The following SH3PXD2A variants were observed in gnomAD, a reference collection of about 807,000 sequenced individuals.
SH3PXD2A encodes the protein SH3 and PX domains 2A, also known as SH3 and PX domain-containing protein 2A.
In SH3PXD2A, 32 loss-of-function variants were observed where a neutral mutation model predicts 115.2. The observed-to-expected ratio is 0.28, with a 90% CI of 0.21 to 0.37. The LOEUF (loss-of-function observed/expected upper bound fraction) is 0.37. Ranked by LOEUF, SH3PXD2A falls within the 10% of genes least tolerant of loss-of-function variation. SH3PXD2A has a pLI of 1.00. For missense variants in SH3PXD2A, 1,328 were observed against 1,498.7 expected (o/e 0.89, Z 1.88); for synonymous variants, 610 against 629.1 (o/e 0.97, Z 0.45).
intron 5 of SH3PXD2A, among the ~76,000 whole-genome samples, chr10:103,720,309 G>A (rs549182640): frequency 1.6e-4 from 25 of 152,376 alleles, no homozygotes; most frequent in African/African-American, 6.0e-4. Context: ...CATCAAAGGT[G>A]TCCATGAAGA....
chr10:103,835,288 G>A (rs773359680), intron 1 of SH3PXD2A, among the ~76,000 whole-genome samples: 4 of 152,222 alleles, frequency 2.6e-5, no homozygotes, highest in Admixed American at 1.3e-4. Context: ...GCTCTGACGT[G>A]AGCTCGCAGG....
intron 9 of SH3PXD2A, among the ~76,000 whole-genome samples, chr10:103,625,957 C>T (rs1244332947): frequency 1.3e-5 from 2 of 152,220 alleles, no homozygotes; most frequent in Non-Finnish European, 2.9e-5. Context: ...GCATATGAGA[C>T]CAGACCTAGC....
chr10:103,711,350 G>A (rs550304564), intron 5 of SH3PXD2A, among the ~76,000 whole-genome samples: 10 of 152,346 alleles, frequency 6.6e-5, no homozygotes, highest in African/African-American at 2.2e-4. Flanking sequence ...AAGTTTGGGG[G>A]GAAGTAAGCA....
intron 8 of SH3PXD2A, among the ~76,000 whole-genome samples, chr10:103,644,585 CAAAAAAAA>C (rs34818569): frequency 9.8e-6 from 1 of 102,534 alleles, no homozygotes; most frequent in African/African-American, 3.9e-5. Context: ...GACCAAGTCT[CAAAAAAAA>C]AAAAAAAAAA....
chr10:103,782,677 T>C (rs2038942080), intron 2 of SH3PXD2A, among the ~76,000 whole-genome samples: 1 of 147,358 alleles, frequency 6.8e-6, no homozygotes, highest in Admixed American at 6.8e-5. Flanking sequence ...GGGAGGGAGG[T>C]GGGGAATGAC....
rs553941259 is a variant in SH3PXD2A, at chr10:103,756,412, G to C, written c.229+10682C>G. ...CCTCCTAAGAAGTTGTTGGGGGCCG[G>C]AGCTCCTTCTCAATGCGCCTCAGTG... On this transcript the variant is annotated intron_variant, in intron 3 of 14. Transcript: ENST00000369774. This position sits in a 1 kb window ranked among gnomAD's most constrained non-coding sequence, Gnocchi z 4.4. Among the ~76,000 whole-genome samples the C allele has an allele frequency of 1.8e-3, 276 of 152,164 alleles. 1 individual carries two copies. Among genetic ancestry groups the C allele is most frequent in the Non-Finnish European group, 3.0e-3 (206 of 67,982 alleles).
intron 7 of SH3PXD2A, chr10:103,661,845 A>C (rs1455190382): frequency 1.0e-6 from 1 of 985,040 alleles, no homozygotes; most frequent in Non-Finnish European, 1.2e-6. Context: ...GAGGAGGCCT[A>C]GACTGTTTAC....
chr10:103,840,516 T>C lies in SH3PXD2A; in HGVS notation c.72+14679A>G, dbSNP rs183243240. 2.0e-5 allele frequency among the ~76,000 whole-genome samples: 3 copies of C among 152,260 alleles called. No homozygotes were observed. The East Asian group carries it at 5.8e-4, about 29-fold the overall frequency. ...CCTCACCCTGACACTTGTTAACACCTAATGACAAGTGTCCTGAACGTAAGG... is the reference window on the plus strand; with the variant it reads ...CCTCACCCTGACACTTGTTAACACCCAATGACAAGTGTCCTGAACGTAAGG... On this transcript the variant is annotated intron_variant, in intron 1 of 14. Transcript: ENST00000369774.
chr10:103,725,190 C>G (rs2038225571), intron 4 of SH3PXD2A, among the ~76,000 whole-genome samples: 1 of 152,080 alleles, frequency 6.6e-6, no homozygotes, highest in Non-Finnish European at 1.5e-5. Flanking sequence ...AGCGATCAAG[C>G]ATGTTGGTTT....
intron 8 of SH3PXD2A, among the ~76,000 whole-genome samples, chr10:103,631,675 G>C (rs2036781982): frequency 6.6e-6 from 1 of 152,126 alleles, no homozygotes; most frequent in Non-Finnish European, 1.5e-5. Flanking sequence ...AGCCATTCTG[G>C]GCATGTGGTC....
chr10:103,759,419 G>C (rs1422719099), intron 3 of SH3PXD2A, among the ~76,000 whole-genome samples: 1 of 152,186 alleles, frequency 6.6e-6, no homozygotes, highest in African/African-American at 2.4e-5. Context: ...TCATCAACCT[G>C]GGGATATGGA....
chr10:103,753,495 C>CA (rs58148179), intron 3 of SH3PXD2A, among the ~76,000 whole-genome samples: 1,890 of 64,900 alleles, frequency 0.029, 34 homozygotes, highest in East Asian at 0.043. Context: ...GACCCCATCT[C>CA]AAAAAAAAAA....
At chr10:103,819,938 G>A (rs1049479246) in intron 1 of SH3PXD2A, among the ~76,000 whole-genome samples, 1 of 152,130 alleles carries the variant, frequency 6.6e-6, no homozygotes, top group African/African-American at 2.4e-5. Flanking sequence ...GCAGTGGAGT[G>A]ACTAGAATAG....
intron 1 of SH3PXD2A, among the ~76,000 whole-genome samples, chr10:103,805,894 C>G (rs1335070871): frequency 1.3e-5 from 2 of 152,236 alleles, no homozygotes; most frequent in African/African-American, 2.4e-5. Flanking sequence ...CACACGAAGT[C>G]ATCTCTGTTT....
At chr10:103,682,360 C>G (rs1256262546) in intron 6 of SH3PXD2A, among the ~76,000 whole-genome samples, 1 of 152,236 alleles carries the variant, frequency 6.6e-6, no homozygotes, top group African/African-American at 2.4e-5. Flanking sequence ...CGCAGAGTTG[C>G]CAAATCAATC....
chr10:103,761,892 T>C (rs908903221), intron 3 of SH3PXD2A, among the ~76,000 whole-genome samples: 4 of 152,086 alleles, frequency 2.6e-5, no homozygotes, highest in Non-Finnish European at 4.4e-5. Context: ...GGCTAAGTGA[T>C]GGTGGACAGT....
chr10:103,641,757 G>A (rs1241783160), intron 8 of SH3PXD2A, among the ~76,000 whole-genome samples: 1 of 152,116 alleles, frequency 6.6e-6, no homozygotes, highest in African/African-American at 2.4e-5. Flanking sequence ...GTGGTTTTCA[G>A]GCTTGCCTCC....
In SH3PXD2A at chr10:103,784,270, C is replaced by T. The variant is rs17115978; in HGVS notation, c.153+17012G>A. 0.048 allele frequency among the ~76,000 whole-genome samples: 7,259 copies of T among 152,276 alleles called. 211 individuals carry two copies. Among genetic ancestry groups the T allele is most frequent in the South Asian group, 0.11 (526 of 4,828 alleles). On this transcript the variant is annotated intron_variant, in intron 2 of 14. Coordinates refer to ENST00000369774, the MANE Select transcript of SH3PXD2A (RefSeq NM_001394015.1). This position sits in a 1 kb window ranked among gnomAD's most constrained non-coding sequence, Gnocchi z 4.4. The stretch of plus-strand genomic sequence containing the variant: ...CCCAAGAGGTCACAGAAGCAGGGGT[C>T]GCCCAAGCCTCTGTGCATGCCCAAG...
chr10:103,770,331 T>G (rs1253253094), intron 2 of SH3PXD2A, among the ~76,000 whole-genome samples: 2 of 152,098 alleles, frequency 1.3e-5, no homozygotes, highest in East Asian at 3.9e-4. Context: ...CTTCAGCCTC[T>G]GGTGTAATTA....
Sources: gnomAD v4.1 joint callset for allele counts (sites outside exome capture counted in the v4.1 genomes callset) on GRCh38, gnomAD v4.1.1 for gene constraint, Gnocchi (gnomAD v3.1) non-coding constraint, MANE v1.5 for transcripts, NCBI Gene and HGNC (gene_info 2026-07-23, HGNC 2026-07-21) for gene names.